Variants in DGLUCY observed in about 807,000 individuals in gnomAD.
The protein encoded by DGLUCY is D-glutamate cyclase.
DGLUCY carries 58 observed loss-of-function variants against 58.5 expected under a neutral mutation model. The ratio of observed to expected loss-of-function variants is 0.99; its 90% CI spans 0.80 to 1.23. DGLUCY has a LOEUF of 1.23. DGLUCY is among the 50% of genes most tolerant of loss of function. The probability of loss-of-function intolerance (pLI) is 0.00; values close to 1 mark genes in which losing one functional copy is unlikely to be tolerated. For missense variants in DGLUCY, 779 were observed against 784.7 expected, an observed-to-expected ratio of 0.99 and a Z score of 0.09; for synonymous variants, 325 against 314.1, an observed-to-expected ratio of 1.03 and a Z score of -0.37.
chr14:91,157,330 GATAC>G (rs2047718786), intron 1 of DGLUCY, among the ~76,000 whole-genome samples: 1 of 151,704 alleles, frequency 6.6e-6, no homozygotes, highest in South Asian at 2.1e-4. Context: ...TGGATGGATG[GATAC>G]ATACATAGAT....
chr14:91,168,051 G>A (rs911821669), intron 4 of DGLUCY, among the ~76,000 whole-genome samples: 5 of 152,150 alleles, frequency 3.3e-5, no homozygotes, highest in African/African-American at 4.8e-5. Flanking sequence ...GATGGCTTGA[G>A]CCCAGGAGTT....
chr14:91,144,949 C>T (rs561112416), intron 1 of DGLUCY, among the ~76,000 whole-genome samples: 1 of 152,218 alleles, frequency 6.6e-6, no homozygotes, highest in South Asian at 2.1e-4. Flanking sequence ...TGCGGGGCCT[C>T]AGGCTTTGTG....
At chr14:91,201,155 T>G (rs2050529167) in intron 11 of DGLUCY, among the ~76,000 whole-genome samples, 1 of 152,100 alleles carries the variant, frequency 6.6e-6, no homozygotes, top group South Asian at 2.1e-4. Context: ...CAGGAACAAA[T>G]CACGATGGTG....
At chr14:91,068,115 ACC>A (rs1555387717) in intron 1 of DGLUCY, among the ~76,000 whole-genome samples, 2 of 140,154 alleles carry the variant, frequency 1.4e-5, no homozygotes, top group African/African-American at 5.9e-5. Context: ...ACACACACAC[ACC>A]CCTTGCATTC....
chr14:91,173,333 G>A lies in DGLUCY; in HGVS notation c.501G>A (p.Leu167=). The change falls in exon 6 of 14, where the codon CTG becomes CTA. Residue 167 remains leucine (L), a synonymous_variant. Transcript: ENST00000256324. ...CCCATGCTGGCTTCTGCTGCCCTCT[G>A]GTGGTCACGATGAGGCCCATTCCCA... ...CVTHAGFCCP[L]VVTMRPIPKD... is the part of the protein sequence containing the mutation. The A allele has an allele frequency of 6.2e-7, 1 of 1,612,280 alleles. No individual in the cohort carries two copies. The highest frequency in any genetic ancestry group is 8.5e-7 in the Non-Finnish European group (1 of 1,179,648).
At chr14:91,159,020 G>A (rs2047823985) in intron 2 of DGLUCY, 2 of 148,192 alleles carry the variant, frequency 1.3e-5, no homozygotes, top group Non-Finnish European at 3.0e-5. Context: ...TGGTAGACAT[G>A]GGTTTTTGCC....
chr14:91,097,706 T>C (rs1476879876), intron 1 of DGLUCY, among the ~76,000 whole-genome samples: 9 of 147,334 alleles, frequency 6.1e-5, no homozygotes, highest in African/African-American at 1.8e-4. Flanking sequence ...GGAGTTTCGC[T>C]CTTGTTGCCC....
At chr14:91,208,376 G>C (rs1019752448) in intron 12 of DGLUCY, among the ~76,000 whole-genome samples, 1 of 152,130 alleles carries the variant, frequency 6.6e-6, no homozygotes, top group Admixed American at 6.5e-5. Context: ...AATAATAACA[G>C]CACAAAATAA....
chr14:91,206,597 G>A lies in DGLUCY; in HGVS notation c.1564+1772G>A, dbSNP rs1331723422. Reference sequence around the variant, plus strand: ...GGGGTTTCGCCATGTTGACCAGAGTGGTCTCGAACTCCTGACCTCAGGTGA... The same window carrying A: ...GGGGTTTCGCCATGTTGACCAGAGTAGTCTCGAACTCCTGACCTCAGGTGA... On this transcript the variant is annotated intron_variant, in intron 12 of 13. Coordinates refer to ENST00000256324, the MANE Select transcript of DGLUCY (RefSeq NM_001102368.3). Among the ~76,000 whole-genome samples, 3 of 152,018 alleles carry A rather than the reference G, an allele frequency of 2.0e-5. No individual in the cohort carries two copies. The East Asian group carries it at 5.8e-4, about 30-fold the overall frequency.
intron 8 of DGLUCY, among the ~76,000 whole-genome samples, chr14:91,185,300 T>TTTTTTTTTTTA (rs2049442640): frequency 8.8e-6 from 1 of 113,796 alleles, no homozygotes; most frequent in Non-Finnish European, 1.9e-5. Flanking sequence ...TTTTTTTTTT[T>TTTTTTTTTTTA]GAGACAGGTT....
At chr14:91,123,607 G>A (rs1397103077) in intron 1 of DGLUCY, among the ~76,000 whole-genome samples, 1 of 152,072 alleles carries the variant, frequency 6.6e-6, no homozygotes, top group Non-Finnish European at 1.5e-5. Flanking sequence ...TTTTTTTCAA[G>A]ACAGGGTCTC....
At chr14:91,091,725 C>T (rs1013096325) in intron 1 of DGLUCY, among the ~76,000 whole-genome samples, 24 of 152,058 alleles carry the variant, frequency 1.6e-4, no homozygotes, top group Admixed American at 9.2e-4. Flanking sequence ...CAGGTGCTGT[C>T]GTAAGAGATC....
chr14:91,151,458 G>T (rs1035838550), intron 1 of DGLUCY, among the ~76,000 whole-genome samples: 2 of 151,902 alleles, frequency 1.3e-5, no homozygotes, highest in African/African-American at 4.8e-5. Flanking sequence ...AGCCAGGATG[G>T]TCTCGTCTCG....
chr14:91,179,007 G>T (rs953185596), intron 7 of DGLUCY, among the ~76,000 whole-genome samples: 1 of 152,134 alleles, frequency 6.6e-6, no homozygotes, highest in Admixed American at 6.5e-5. Flanking sequence ...CTGGGTGATA[G>T]AGCGAGACTC....
intron 1 of DGLUCY, among the ~76,000 whole-genome samples, chr14:91,072,645 T>G (rs1344907020): frequency 6.8e-6 from 1 of 147,542 alleles, no homozygotes; most frequent in African/African-American, 2.5e-5. Context: ...AAGTGAGATT[T>G]GAGACACCAA....
At chr14:91,168,422 C>T (rs1023778456) in intron 4 of DGLUCY, among the ~76,000 whole-genome samples, 1 of 152,112 alleles carries the variant, frequency 6.6e-6, no homozygotes, top group African/African-American at 2.4e-5. Context: ...AGACAGAAAA[C>T]CCCCCAGGAA....
chr14:91,188,739 G>A (rs997787522), intron 8 of DGLUCY, among the ~76,000 whole-genome samples, 171 bp from the exon 9 acceptor site: 3 of 152,120 alleles, frequency 2.0e-5, no homozygotes, highest in Non-Finnish European at 4.4e-5. Context: ...TGAGGCGGGA[G>A]GATCACGTGA....
intron 1 of DGLUCY, among the ~76,000 whole-genome samples, chr14:91,124,760 A>G (rs1416989539): frequency 6.6e-6 from 1 of 152,218 alleles, no homozygotes; most frequent in East Asian, 1.9e-4. Context: ...CTTCCCATCT[A>G]ATTAGGAATA....
intron 1 of DGLUCY, among the ~76,000 whole-genome samples, chr14:91,155,293 G>T (rs1039717911): frequency 6.6e-6 from 1 of 152,114 alleles, no homozygotes; most frequent in African/African-American, 2.4e-5. Context: ...ATAAACATGG[G>T]TAACACTTCC....
Sources: allele counts gnomAD v4.1 joint callset (sites outside exome capture counted in the v4.1 genomes callset), GRCh38; gene constraint gnomAD v4.1.1; transcripts MANE v1.5; gene names NCBI Gene and HGNC (gene_info 2026-07-23, HGNC 2026-07-21).